HDAC4: variants seen among roughly 807,000 people sequenced by gnomAD.
HDAC4 encodes histone deacetylase 4.
A neutral mutation model predicts 135.1 loss-of-function variants in HDAC4; 16 were observed. That is an observed-to-expected ratio of 0.12 (90% CI 0.08 to 0.18). The LOEUF (loss-of-function observed/expected upper bound fraction) is 0.18, where lower values mean the gene tolerates loss of function less well. Among genes scored for constraint, HDAC4 ranks in the 10% least tolerant of loss-of-function variants. HDAC4 has a pLI of 1.00. For missense variants in HDAC4, 1,143 were observed against 1,511.8 expected (o/e 0.76, Z 4.05); for synonymous variants, 685 against 653.4 (o/e 1.05, Z -0.74).
At chr2:239,214,466 G>A (rs1346928349) in intron 3 of HDAC4, among the ~76,000 whole-genome samples, 1 of 152,200 alleles carries the variant, frequency 6.6e-6, no homozygotes, top group African/African-American at 2.4e-5. Flanking sequence ...ACAGTCACAG[G>A]GGCTGAGGAT....
In HDAC4 at chr2:239,068,155, G is replaced by A. The variant is rs2033765064; in HGVS notation, c.2869+334C>T. On this transcript the variant is annotated intron_variant, in intron 23 of 26. Coordinates refer to ENST00000543185, the MANE Select transcript of HDAC4 (RefSeq NM_001378414.1). The surrounding 1 kb of genome is among the most constrained non-coding windows in gnomAD (Gnocchi z 4.4). ...CACCGCCTGCCAGAGAAGCGGCATG[G>A]GGCACATCTCAGCTCTTGGTGGGAC... Among the ~76,000 whole-genome samples the A allele has an allele frequency of 6.6e-6, 1 of 152,164 alleles. No homozygotes were observed. Among genetic ancestry groups the A allele is most frequent in the African/African-American group, 2.4e-5 (1 of 41,432 alleles).
intron 12 of HDAC4, among the ~76,000 whole-genome samples, chr2:239,120,505 AGG>A (rs1431014014): frequency 2.9e-4 from 44 of 151,604 alleles, no homozygotes; most frequent in Admixed American, 1.3e-4. Context: ...ACATAGGCAC[AGG>A]CACACAGAGA....
At chr2:239,280,887 C>CACAATGTACACACCACTCT (rs2050678780) in intron 2 of HDAC4, among the ~76,000 whole-genome samples, 1 of 149,048 alleles carries the variant, frequency 6.7e-6, no homozygotes, top group African/African-American at 2.5e-5. Flanking sequence ...CCACTCTCCA[C>CACAATGTACACACCACTCT]ACAATGTACA....
chr2:239,055,604 C>T (rs2031700274), intron 24 of HDAC4, among the ~76,000 whole-genome samples: 2 of 151,722 alleles, frequency 1.3e-5, no homozygotes, highest in African/African-American at 4.8e-5. Context: ...GTAGTCCCAG[C>T]TACTCGGGAG....
intron 1 of HDAC4, among the ~76,000 whole-genome samples, chr2:239,369,223 G>A (rs775388712): frequency 2.6e-5 from 4 of 152,170 alleles, no homozygotes; most frequent in African/African-American, 4.8e-5. Flanking sequence ...ATTCCCCGAC[G>A]GTCCCCTTTC....
At chr2:239,246,476 C>G (rs1438313472) in intron 2 of HDAC4, among the ~76,000 whole-genome samples, 2 of 152,218 alleles carry the variant, frequency 1.3e-5, no homozygotes, top group East Asian at 3.9e-4. Context: ...TGCCACAGGT[C>G]CTGGCACCGA....
chr2:239,128,302 A>G (rs6753325), intron 11 of HDAC4, among the ~76,000 whole-genome samples: 99,518 of 151,978 alleles, frequency 0.65, 33,838 homozygotes, highest in East Asian at 0.79. Context: ...TAGCACTTTG[A>G]GAGGCCGAGG....
At chr2:239,374,181 C>T (rs1193569471) in intron 1 of HDAC4, among the ~76,000 whole-genome samples, 1 of 152,128 alleles carries the variant, frequency 6.6e-6, no homozygotes, top group Non-Finnish European at 1.5e-5. Flanking sequence ...CGGTGAACAG[C>T]AGAACAAAAC....
intron 2 of HDAC4, among the ~76,000 whole-genome samples, chr2:239,249,178 C>T (rs1180901666): frequency 6.6e-6 from 1 of 152,204 alleles, no homozygotes; most frequent in Non-Finnish European, 1.5e-5. Flanking sequence ...GAGGGAACAG[C>T]AAGGGCAAGG....
chr2:239,290,430 C>T (rs1559333061), intron 2 of HDAC4, among the ~76,000 whole-genome samples: 1 of 152,146 alleles, frequency 6.6e-6, no homozygotes. Context: ...CTGAAGGACA[C>T]CTTCTGTGTG....
intron 6 of HDAC4, chr2:239,162,449 C>T (rs1033030855): frequency 7.2e-6 from 3 of 418,642 alleles, no homozygotes; most frequent in Non-Finnish European, 1.5e-5. Flanking sequence ...ACCCCACGCC[C>T]TGCCCCAGCC....
At chr2:239,134,131 G>C (rs750787514) in intron 11 of HDAC4, 114 bp downstream of exon 11, 3 of 793,502 alleles carry the variant, frequency 3.8e-6, no homozygotes, top group Non-Finnish European at 4.3e-6. Flanking sequence ...TGGGAACTGT[G>C]GGGGTGGGAC....
intron 2 of HDAC4, among the ~76,000 whole-genome samples, chr2:239,341,027 G>A (rs1395187084): frequency 1.3e-5 from 2 of 152,162 alleles, no homozygotes; most frequent in Non-Finnish European, 2.9e-5. Flanking sequence ...CTTTCAACAC[G>A]TACAATGCAT....
chr2:239,143,061 T>C (rs1194644189), intron 8 of HDAC4, among the ~76,000 whole-genome samples: 1 of 152,222 alleles, frequency 6.6e-6, no homozygotes, highest in Non-Finnish European at 1.5e-5. Flanking sequence ...GGCTCCTGGA[T>C]GGTCTCACGT....
chr2:239,098,105 T>C (rs1005721519), intron 16 of HDAC4, among the ~76,000 whole-genome samples: 1 of 152,250 alleles, frequency 6.6e-6, no homozygotes, highest in Admixed American at 6.5e-5. Context: ...AGTTTGCTCA[T>C]TATCTAGCAA....
chr2:239,183,141 C>T (rs2044260690), intron 4 of HDAC4, among the ~76,000 whole-genome samples: 1 of 152,134 alleles, frequency 6.6e-6, no homozygotes, highest in African/African-American at 2.4e-5. Context: ...AAAGCAAAAA[C>T]AAAACCAATC....
intron 2 of HDAC4, among the ~76,000 whole-genome samples, chr2:239,305,741 CTGAT>C (rs2052544605): frequency 6.6e-6 from 1 of 152,240 alleles, no homozygotes; most frequent in Admixed American, 6.5e-5. Context: ...CATCCCTAGA[CTGAT>C]GGCCACGAAA....
At chr2:239,090,187 A>C in intron 17 of HDAC4, 71 bp from the exon 18 acceptor site, 2 of 1,138,536 alleles carry the variant, frequency 1.8e-6, no homozygotes, top group Non-Finnish European at 2.7e-6. Context: ...GGCTGGGCAG[A>C]GCAGCTCAGG....
chr2:239,160,205 G>A (rs150811081), intron 6 of HDAC4, among the ~76,000 whole-genome samples: 16 of 152,274 alleles, frequency 1.1e-4, no homozygotes, highest in African/African-American at 1.4e-4. Flanking sequence ...TTTAGTATTC[G>A]ATTAAACCAT....
Sources: allele counts gnomAD v4.1 joint callset (sites outside exome capture counted in the v4.1 genomes callset), GRCh38; gene constraint gnomAD v4.1.1; non-coding constraint Gnocchi (gnomAD v3.1); transcripts MANE v1.5; gene names NCBI Gene and HGNC (gene_info 2026-07-23, HGNC 2026-07-21).